Variants in RASGRF2 observed in about 807,000 individuals in gnomAD.
The protein encoded by RASGRF2 is Ras protein specific guanine nucleotide releasing factor 2, also known as ras-specific guanine nucleotide-releasing factor 2.
RASGRF2 carries 76 observed loss-of-function variants against 151.0 expected under a neutral mutation model. The ratio of observed to expected loss-of-function variants is 0.50; its 90% CI spans 0.42 to 0.61. RASGRF2 has a LOEUF of 0.61. RASGRF2 is among the 20% of genes least tolerant of loss of function. RASGRF2 has a pLI of 0.00. For synonymous variants in RASGRF2, 504 were observed against 566.5 expected (o/e 0.89, Z 1.57); for missense variants, 1,148 against 1,564.6 (o/e 0.73, Z 4.49).
At chr5:81,178,259 T>C (rs1754828481) in intron 17 of RASGRF2, among the ~76,000 whole-genome samples, 1 of 152,148 alleles carries the variant, frequency 6.6e-6, no homozygotes. Flanking sequence ...CAGATAAAAT[T>C]ATTAGGAAAC....
At position 81,228,740 on chromosome 5, in the gene RASGRF2, CAATAT is replaced by C; in HGVS notation, c.*2972_*2976del. 1 of 152,220 alleles carries C rather than the reference CAATAT, an allele frequency of 6.6e-6. No individual in the cohort carries two copies. Among genetic ancestry groups the C allele is most frequent in the African/African-American group, 2.4e-5 (1 of 41,510 alleles). The allele number at this position is 152,220 out of a possible 1,614,324, so 9.4% of individuals were successfully genotyped here. The stretch of plus-strand genomic sequence containing the variant: ...ACAGGGACAAATCTCTTACCTAATC[CAATAT>C]ATTATTTGACAGATTCAGGCATGAA... On this transcript the variant is annotated 3_prime_UTR_variant, in exon 27 of 27. Transcript: ENST00000265080.
At chr5:81,219,912 G>T in intron 26 of RASGRF2, 134 bp downstream of exon 26, 6 of 530,928 alleles carry the variant, frequency 1.1e-5, no homozygotes, top group South Asian at 4.0e-5. Flanking sequence ...GAAAATCTTT[G>T]GCTAGTCTGA....
At chr5:80,986,474 AGGT>A (rs1561539428) in intron 1 of RASGRF2, among the ~76,000 whole-genome samples, 2 of 152,188 alleles carry the variant, frequency 1.3e-5, no homozygotes, top group East Asian at 3.8e-4. Flanking sequence ...CTACCAGTAC[AGGT>A]ATGTAGTTAG....
chr5:81,163,215 A>G (rs1754428377), intron 17 of RASGRF2, among the ~76,000 whole-genome samples: 1 of 152,002 alleles, frequency 6.6e-6, no homozygotes, highest in African/African-American at 2.4e-5. Context: ...CAGCAGGAAA[A>G]TAGCCTCCAC....
Position 81,228,969 on chromosome 5 carries a change from ATGGTCCCATG to A in RASGRF2, c.*3203_*3212del, listed in dbSNP as rs1756055555. ...ATCACCTGGAAGAGAAAAATCCATT[ATGGTCCCATG>A]TGGAGTGAATAATGATGGATCAGCA... On this transcript the variant is annotated 3_prime_UTR_variant, in exon 27 of 27. Coordinates refer to ENST00000265080, the MANE Select transcript of RASGRF2 (RefSeq NM_006909.3). 1 of 152,224 alleles carries A rather than the reference ATGGTCCCATG, an allele frequency of 6.6e-6. No individual in the cohort carries two copies. Among genetic ancestry groups the A allele is most frequent in the Non-Finnish European group, 1.5e-5 (1 of 68,040 alleles). 9.4% of individuals were successfully genotyped at this position (152,224 alleles called of 1,614,324 possible).
At chr5:81,057,517 G>C (rs560860981) in intron 2 of RASGRF2, among the ~76,000 whole-genome samples, 2 of 152,230 alleles carry the variant, frequency 1.3e-5, no homozygotes, top group Admixed American at 1.3e-4. Flanking sequence ...TGGAGTGATG[G>C]TGGTTAGGAT....
chr5:80,996,512 TCCTCCTCCCCC>T (rs1748874836), intron 1 of RASGRF2, among the ~76,000 whole-genome samples: 55 of 64,848 alleles, frequency 8.5e-4, no homozygotes, highest in Middle Eastern at 6.8e-3. Context: ...TTCCTCCTCC[TCCTCCTCCCCC>T]TCCTCCTCCT....
At chr5:81,122,283 A>G (rs1163181046) in intron 15 of RASGRF2, among the ~76,000 whole-genome samples, 2 of 152,174 alleles carry the variant, frequency 1.3e-5, no homozygotes, top group Non-Finnish European at 2.9e-5. Flanking sequence ...CAGACCAAGG[A>G]CATGTATTTG....
At chr5:81,017,088 A>G (rs1749662390) in intron 1 of RASGRF2, among the ~76,000 whole-genome samples, 1 of 152,216 alleles carries the variant, frequency 6.6e-6, no homozygotes, top group Non-Finnish European at 1.5e-5. Flanking sequence ...TGAGGCAAGA[A>G]GGGCAAAAAA....
intron 1 of RASGRF2, among the ~76,000 whole-genome samples, chr5:80,988,459 A>C (rs2112255819): frequency 6.6e-6 from 1 of 152,230 alleles, no homozygotes; most frequent in Admixed American, 6.5e-5. Flanking sequence ...GTTGTTAATA[A>C]ATGTTAGAGT....
intron 26 of RASGRF2, among the ~76,000 whole-genome samples, chr5:81,224,445 C>T (rs1325426599): frequency 6.6e-6 from 1 of 152,132 alleles, no homozygotes; most frequent in Admixed American, 6.5e-5. Flanking sequence ...AGAATAAAAT[C>T]GAACAATCAC....
chr5:81,150,901 G>T (rs1297356495), intron 17 of RASGRF2, among the ~76,000 whole-genome samples: 2 of 152,168 alleles, frequency 1.3e-5, no homozygotes, highest in African/African-American at 4.8e-5. Context: ...AAAGAGAAGA[G>T]CCAAGAGGCT....
chr5:81,190,932 C>T (rs1412424178), intron 18 of RASGRF2, among the ~76,000 whole-genome samples: 9 of 148,452 alleles, frequency 6.1e-5, no homozygotes, highest in Admixed American at 1.4e-4. Context: ...TTATGTACTT[C>T]GATAGCTTCT....
intron 18 of RASGRF2, among the ~76,000 whole-genome samples, chr5:81,184,189 T>G (rs1754975928): frequency 6.6e-6 from 1 of 152,186 alleles, no homozygotes; most frequent in Non-Finnish European, 1.5e-5. Context: ...ATCAGGGCCA[T>G]GTGTTTAGAC....
intron 12 of RASGRF2, among the ~76,000 whole-genome samples, chr5:81,106,464 C>CACTTT (rs1752850048): frequency 6.6e-6 from 1 of 152,142 alleles, no homozygotes; most frequent in Non-Finnish European, 1.5e-5. Context: ...GCTTAGAAAC[C>CACTTT]CTCAGTGGCT....
At chr5:81,140,574 C>A (rs898816387) in intron 17 of RASGRF2, among the ~76,000 whole-genome samples, 6 of 152,166 alleles carry the variant, frequency 3.9e-5, no homozygotes, top group Non-Finnish European at 8.8e-5. Context: ...GGCAGGTGGG[C>A]TTTGCATTCT....
At chr5:81,098,530 C>T (rs1752609437) in intron 12 of RASGRF2, among the ~76,000 whole-genome samples, 1 of 152,136 alleles carries the variant, frequency 6.6e-6, no homozygotes, top group Non-Finnish European at 1.5e-5. Flanking sequence ...GAAGGAACCA[C>T]CAGTGCAACC....
intron 16 of RASGRF2, among the ~76,000 whole-genome samples, chr5:81,126,339 C>T (rs1314055136): frequency 6.6e-6 from 1 of 152,178 alleles, no homozygotes; most frequent in Non-Finnish European, 1.5e-5. Flanking sequence ...CTATCAGTAA[C>T]ATGATATGGT....
intron 2 of RASGRF2, among the ~76,000 whole-genome samples, chr5:81,051,573 A>C (rs1183369027): frequency 6.6e-6 from 1 of 152,164 alleles, no homozygotes; most frequent in Non-Finnish European, 1.5e-5. Context: ...TATAGATGGA[A>C]TCCTACAAAC....
Sources: gnomAD v4.1 joint callset for allele counts (sites outside exome capture counted in the v4.1 genomes callset) on GRCh38, gnomAD v4.1.1 for gene constraint, MANE v1.5 for transcripts, NCBI Gene and HGNC (gene_info 2026-07-23, HGNC 2026-07-21) for gene names.